The following CALCA variants were observed in gnomAD, a reference collection of about 807,000 sequenced individuals.
The protein encoded by CALCA is calcitonin.
Under a neutral mutation model 6.9 loss-of-function variants are expected in CALCA, and 4 were observed. The observed-to-expected ratio is 0.58, with a 90% CI of 0.29 to 1.33. CALCA has a LOEUF of 1.33. Ranked by LOEUF, CALCA falls within the 40% of genes most tolerant of loss-of-function variation. The probability of loss-of-function intolerance (pLI) is 0.09; values close to 1 mark genes in which losing one functional copy is unlikely to be tolerated. For missense variants in CALCA, 174 were observed against 178.3 expected, an observed-to-expected ratio of 0.98 and a Z score of 0.14; for synonymous variants, 78 against 70.0, an observed-to-expected ratio of 1.11 and a Z score of -0.57.
At chr11:14,967,834 G>A (rs570222429), downstream of CALCA, 2 of 1,614,220 alleles carry the variant, frequency 1.2e-6, no homozygotes, top group Admixed American at 1.7e-5. Flanking sequence ...AGTGTCACAG[G>A]CTCTCTTCTG....
downstream of CALCA, chr11:14,967,661 C>T: frequency 3.1e-6 from 5 of 1,613,388 alleles, no homozygotes; most frequent in Non-Finnish European, 4.2e-6. Context: ...TCCCATCATA[C>T]AAGGGCAGTC....
rs1849513602 is a variant in CALCA at position 14,968,701 on chromosome 11, C to G, written c.*98G>C. ...CATCCTCTGCCACAAGGAAAGCCAC[C>G]AATACCAGCCCAAAGAGCCACCAGA... On this transcript the variant is annotated 3_prime_UTR_variant, in exon 4 of 4. Coordinates refer to ENST00000331587, the MANE Select transcript of CALCA (RefSeq NM_001741.3). The G allele has an allele frequency of 1.9e-6, 3 of 1,612,078 alleles. No individual in the cohort carries two copies. The highest frequency in any genetic ancestry group is 2.2e-5 in the South Asian group (2 of 90,312).
At chr11:14,970,446 C>A (rs1278048001) in intron 2 of CALCA, among the ~76,000 whole-genome samples, 2 of 152,084 alleles carry the variant, frequency 1.3e-5, no homozygotes, top group East Asian at 3.8e-4. Context: ...AGGTAAAATA[C>A]CAGATTTAAC....
downstream of CALCA, chr11:14,967,029 G>A (rs1555025475): frequency 6.5e-6 from 1 of 152,950 alleles, no homozygotes; most frequent in Non-Finnish European, 1.5e-5. Context: ...ATGCCTATAT[G>A]TATGTCTTCC....
intron 3 of CALCA, 27 bp downstream of exon 3, chr11:14,969,908 C>G (rs782683179): frequency 2.4e-5 from 38 of 1,612,194 alleles, no homozygotes; most frequent in Non-Finnish European, 2.9e-5. Flanking sequence ...AGAGGAGGCC[C>G]TGTGCTGAGC....
downstream of CALCA, chr11:14,968,141 T>A (rs932799365): frequency 2.1e-6 from 1 of 484,040 alleles, no homozygotes; most frequent in Non-Finnish European, 3.8e-6. Context: ...CTGTATAAAT[T>A]AACTAAAAAT....
chr11:14,971,188 C>T lies in CALCA; in HGVS notation c.5G>A (p.Gly2Asp). 2.5e-6 allele frequency: 4 copies of T among 1,613,494 alleles called. No homozygotes were observed. Among genetic ancestry groups the T allele is most frequent in the Non-Finnish European group, 3.4e-6 (4 of 1,179,444 alleles). Residue 2 changes from glycine to aspartate, a missense_variant, in exon 2 of 4, where the codon GGC becomes GAC. Coordinates refer to ENST00000331587, the MANE Select transcript of CALCA (RefSeq NM_001741.3). The part of the protein sequence containing the change: M[G>D]FQKFSPFLAL... ...CAGGAAGGGGGAGAACTTTTGGAAGCCCATGACACCTCTCTGCAAGGGAAG... is the reference window on the plus strand; with the variant it reads ...CAGGAAGGGGGAGAACTTTTGGAAGTCCATGACACCTCTCTGCAAGGGAAG...
chr11:14,969,868 G>C (rs1849551626), intron 3 of CALCA, 67 bp downstream of exon 3: 3 of 1,609,504 alleles, frequency 1.9e-6, no homozygotes, highest in Non-Finnish European at 2.5e-6. Flanking sequence ...CCTACCTCTC[G>C]GGATCCACCT....
At position 14,968,508 on chromosome 11, in the gene CALCA, A is replaced by G. The variant is rs782294977; in HGVS notation, c.*291T>C. On this transcript the variant is annotated 3_prime_UTR_variant, in exon 4 of 4. Coordinates refer to ENST00000331587, the MANE Select transcript of CALCA (RefSeq NM_001741.3). ...ACCACCACAGCTCAGATCTTTGGGG[A>G]AAAATAATTTTATTCCTCAAATGAT... 139 of 1,290,732 alleles carry G rather than the reference A, an allele frequency of 1.1e-4. No individual in the cohort carries two copies. The highest frequency in any genetic ancestry group is 1.3e-4 in the Non-Finnish European group (129 of 1,010,980). 80.0% of individuals were successfully genotyped at this position (1,290,732 alleles called of 1,614,324 possible).
At chr11:14,969,812 C>T (rs1849550037) in intron 3 of CALCA, 123 bp downstream of exon 3, 2 of 1,476,444 alleles carry the variant, frequency 1.4e-6, no homozygotes, top group Non-Finnish European at 1.9e-6. Context: ...GCCCCAGGTC[C>T]CGGTGAACAA....
chr11:14,968,539 C>T lies in CALCA; in HGVS notation c.*260G>A. ...AATTTTATTCCTCAAATGATCAGCA[C>T]ATTCAGAAGCAGGACAGAGGAGCTC... On this transcript the variant is annotated 3_prime_UTR_variant, in exon 4 of 4. Transcript: ENST00000331587. The T allele has an allele frequency of 7.3e-7, 1 of 1,375,950 alleles. No individual in the cohort carries two copies. Among genetic ancestry groups the T allele is most frequent in the South Asian group, 1.5e-5 (1 of 65,940 alleles). 85.2% of individuals were successfully genotyped at this position (1,375,950 alleles called of 1,614,324 possible).
intron 2 of CALCA, 59 bp downstream of exon 2, chr11:14,971,048 C>T: frequency 7.0e-7 from 1 of 1,424,440 alleles, no homozygotes; most frequent in Non-Finnish European, 9.9e-7. Context: ...CAGTACACCA[C>T]ACTTAAGAGG....
intron 3 of CALCA, 88 bp from the exon 4 acceptor site, chr11:14,969,085 C>A: frequency 7.9e-7 from 1 of 1,272,790 alleles, no homozygotes; most frequent in East Asian, 2.3e-5. Context: ...AGGCAGGGGA[C>A]CCTGGGAGCA....
Position 14,969,926 on chromosome 11 carries a change from G to A in CALCA, c.227+9C>T. 1 of 1,612,530 alleles carries A rather than the reference G, an allele frequency of 6.2e-7. No homozygotes were observed. The highest frequency in any genetic ancestry group is 8.5e-7 in the Non-Finnish European group (1 of 1,180,012). Reference sequence around the variant, plus strand: ...GGAGGCCCTGTGCTGAGCGCTTGGGGAGCCTCACCTGGAGCCCTCTCTCTC... The same window carrying A: ...GGAGGCCCTGTGCTGAGCGCTTGGGAAGCCTCACCTGGAGCCCTCTCTCTC... On this transcript the variant is annotated intron_variant, in intron 3 of 3. Coordinates refer to ENST00000331587, the MANE Select transcript of CALCA (RefSeq NM_001741.3).
Position 14,968,849 on chromosome 11 carries a change from A to G in CALCA, c.376T>C (p.Leu126=), listed in dbSNP as rs1849519056. 4 of 1,614,060 alleles carry G rather than the reference A, an allele frequency of 2.5e-6. No individual in the cohort carries two copies. Among genetic ancestry groups the G allele is most frequent in the Non-Finnish European group, 3.4e-6 (4 of 1,180,046 alleles). ...ACATGAGGGCGATGGTCTCTCTCCA[A>G]GTCGCTGGACATATCCCTTTTCTTT... ...PGKKRDMSSD[L]ERDHRPHVSM... The change falls in exon 4 of 4, where the codon TTG becomes CTG. Residue 126 remains leucine (L), a synonymous_variant. Transcript: ENST00000331587.
intron 3 of CALCA, 97 bp from the exon 4 acceptor site, chr11:14,969,094 C>G: frequency 9.2e-7 from 1 of 1,090,146 alleles, no homozygotes; most frequent in South Asian, 1.3e-5. Flanking sequence ...ACCCTGGGAG[C>G]AGGAGGGGCA....
At chr11:14,968,151 T>A, downstream of CALCA, 1 of 461,902 alleles carries the variant, frequency 2.2e-6, no homozygotes, top group African/African-American at 2.0e-5. Context: ...TAACTAAAAA[T>A]CAAAGCGGAG....
rs782409051 is a variant in CALCA, at chr11:14,968,779, T to A, written c.*20A>T. 5 of 1,613,980 alleles carry A rather than the reference T, an allele frequency of 3.1e-6. No individual in the cohort carries two copies. In the Admixed American group the frequency reaches 8.3e-5, roughly 27 times the overall value. ...ATAGGAAGGATGCAAGAAGGGAAAT[T>A]AGGAAGGAAAGGGAGGAGTTTAGTT... On this transcript the variant is annotated 3_prime_UTR_variant, in exon 4 of 4. Coordinates refer to ENST00000331587, the MANE Select transcript of CALCA (RefSeq NM_001741.3).
chr11:14,970,748 A>G (rs1849583003), intron 2 of CALCA, among the ~76,000 whole-genome samples: 1 of 151,838 alleles, frequency 6.6e-6, no homozygotes, highest in South Asian at 2.1e-4. Flanking sequence ...AAAAATACAA[A>G]AATTAGCCGG....
Sources: allele counts gnomAD v4.1 joint callset (sites outside exome capture counted in the v4.1 genomes callset), GRCh38; gene constraint gnomAD v4.1.1; transcripts MANE v1.5; gene names NCBI Gene and HGNC (gene_info 2026-07-23, HGNC 2026-07-21).